CEP104: variants seen among roughly 807,000 people sequenced by gnomAD.
The protein encoded by CEP104 is centrosomal protein 104.
CEP104 carries 84 observed loss-of-function variants against 113.3 expected under a neutral mutation model. The observed-to-expected ratio is 0.74, with a 90% confidence interval of 0.62 to 0.89. CEP104 has a LOEUF of 0.89. Among genes scored for constraint, CEP104 ranks in the 40% least tolerant of loss-of-function variants. The pLI is 0.00. For synonymous variants in CEP104, 378 were observed against 421.7 expected (o/e 0.90, Z 1.27); for missense variants, 1,053 against 1,156.6 (o/e 0.91, Z 1.30).
chr1:3,830,041 CT>C (rs1644172201), intron 13 of CEP104, 44 bp from the exon 14 acceptor site: 3 of 1,388,822 alleles, frequency 2.2e-6, no homozygotes, highest in Non-Finnish European at 3.1e-6. Flanking sequence ...TAAAATAAAA[CT>C]AATTTCTTCC....
At chr1:3,847,418 C>G in intron 4 of CEP104, 57 bp downstream of exon 4, 1 of 1,474,616 alleles carries the variant, frequency 6.8e-7, no homozygotes, top group South Asian at 1.3e-5. Context: ...TACGTGACCA[C>G]ATAATCCCAC....
intron 2 of CEP104, among the ~76,000 whole-genome samples, chr1:3,849,215 A>C (rs1644565989): frequency 6.6e-6 from 1 of 151,792 alleles, no homozygotes; most frequent in Admixed American, 6.6e-5. Flanking sequence ...CTAGGGAGAC[A>C]AGCCTATGCT....
chr1:3,851,180 C>T (rs1421629494), intron 2 of CEP104, among the ~76,000 whole-genome samples: 6 of 152,184 alleles, frequency 3.9e-5, no homozygotes, highest in South Asian at 4.2e-4. Context: ...CCCAGCTCTG[C>T]GGGTGACAAA....
At position 3,813,712 on chromosome 1, in the gene CEP104, T is replaced by C. The variant is rs1307577655; in HGVS notation, c.*1690A>G. The C allele has an allele frequency of 6.6e-6, 1 of 151,782 alleles. No individual in the cohort carries two copies. Among genetic ancestry groups the C allele is most frequent in the East Asian group, 2.0e-4 (1 of 5,066 alleles). The allele number at this position is 151,782 out of a possible 1,614,324, so 9.4% of individuals were successfully genotyped here. ...AAAAATAGAAAAAATTAGCCGAGCA[T>C]GGTGGTGTGCACCTGTAATCCCAGC... On this transcript the variant is annotated 3_prime_UTR_variant, in exon 22 of 22. Transcript: ENST00000378230.
At chr1:3,817,601 G>A (rs529529178) in intron 20 of CEP104, among the ~76,000 whole-genome samples, 1 of 152,264 alleles carries the variant, frequency 6.6e-6, no homozygotes, top group South Asian at 2.1e-4. Context: ...CAACCTTCGT[G>A]TCCCTAAAGC....
chr1:3,838,085 T>G lies in CEP104; in HGVS notation c.892-566A>C, dbSNP rs556560575. Among the ~76,000 whole-genome samples, 20 of 152,328 alleles carry G rather than the reference T, an allele frequency of 1.3e-4. No homozygotes were observed. The East Asian group carries it at 2.7e-3, about 21-fold the overall frequency. On this transcript the variant is annotated intron_variant, in intron 8 of 21. Coordinates refer to ENST00000378230, the MANE Select transcript of CEP104 (RefSeq NM_014704.4). The stretch of plus-strand genomic sequence containing the variant: ...AACTGAGGCATAAAGCTGATAAGAA[T>G]TAGTCTGTGATCACAGAGCTGGAAT...
chr1:3,851,648 C>T (rs933598474), intron 2 of CEP104, among the ~76,000 whole-genome samples: 2 of 152,126 alleles, frequency 1.3e-5, no homozygotes, highest in African/African-American at 4.8e-5. Context: ...AAGCAAAACA[C>T]TCATCTAATG....
rs1365127873 is a variant in CEP104 at position 3,823,042 on chromosome 1, T to C, written c.2571+132A>G. On this transcript the variant is annotated intron_variant, in intron 20 of 21. Transcript: ENST00000378230. This position sits in a 1 kb window ranked among gnomAD's most constrained non-coding sequence, Gnocchi z 4.1. Reference sequence around the variant, plus strand: ...TGCTCAGACAGGGCTCACTAGACGCTGTCCCCTCCCTGAACACTCATGTAC... The same window carrying C: ...TGCTCAGACAGGGCTCACTAGACGCCGTCCCCTCCCTGAACACTCATGTAC... 3.8e-6 allele frequency: 3 copies of C among 785,554 alleles called. No homozygotes were observed. Among genetic ancestry groups the C allele is most frequent in the Non-Finnish European group, 6.4e-6 (3 of 467,322 alleles). 48.7% of individuals were successfully genotyped at this position (785,554 alleles called of 1,614,324 possible).
chr1:3,828,691 CT>C (rs1389368703), intron 15 of CEP104, among the ~76,000 whole-genome samples: 1 of 151,926 alleles, frequency 6.6e-6, no homozygotes, highest in African/African-American at 2.4e-5. Context: ...ACCTTTATAT[CT>C]TTTTTTTAAG....
chr1:3,837,607 G>C (rs1316353598), intron 8 of CEP104, 88 bp from the exon 9 acceptor site: 2 of 1,177,368 alleles, frequency 1.7e-6, no homozygotes, highest in African/African-American at 3.1e-5. Context: ...TAAGACTTTA[G>C]AAAGCTGTGC....
Position 3,825,743 on chromosome 1 carries a change from T to C in CEP104, c.2364+15A>G, listed in dbSNP as rs2124647552. 6.4e-7 allele frequency: 1 copy of C among 1,559,872 alleles called. No individual in the cohort carries two copies. Among genetic ancestry groups the C allele is most frequent in the South Asian group, 1.1e-5 (1 of 89,928 alleles). On this transcript the variant is annotated intron_variant, in intron 18 of 21. Coordinates refer to ENST00000378230, the MANE Select transcript of CEP104 (RefSeq NM_014704.4). ...CGCTCATGCAAGTAGCTGGCTGCTG[T>C]GCCGCTGGCCTGACCTGTTTGCAGT...
chr1:3,822,622 T>G (rs149718433), intron 20 of CEP104, among the ~76,000 whole-genome samples: 1 of 152,070 alleles, frequency 6.6e-6, no homozygotes, highest in South Asian at 2.1e-4. Context: ...TGCACGCCCA[T>G]GTCCCTCCTC....
intron 6 of CEP104, 93 bp from the exon 7 acceptor site, chr1:3,839,869 C>G: frequency 1.0e-6 from 1 of 994,140 alleles, no homozygotes; most frequent in Non-Finnish European, 1.5e-6. Context: ...CCTCCCCATC[C>G]TGCCCCATCA....
At position 3,839,105 on chromosome 1, in the gene CEP104, A is replaced by G. The variant is rs550259906; in HGVS notation, c.750T>C (p.Leu250=). The G allele has an allele frequency of 2.5e-6, 4 of 1,613,694 alleles. No individual in the cohort carries two copies. The East Asian group carries it at 6.7e-5, about 27-fold the overall frequency. The change falls in exon 8 of 22, where the codon CTT becomes CTC. Residue 250 remains leucine, a synonymous_variant. Coordinates refer to ENST00000378230, the MANE Select transcript of CEP104 (RefSeq NM_014704.4). ...AGCGTTTCTCTACCTCATACCTCCC[A>G]AGGCGTTCACCAACCTGAAGCACAA... is the stretch of plus-strand genomic sequence containing the variant. The part of the protein sequence containing the change: ...IADLQKVGER[L]GRYEVEKRCA...
intron 14 of CEP104, 108 bp downstream of exon 14, chr1:3,829,683 C>A: frequency 8.4e-7 from 1 of 1,187,026 alleles, no homozygotes; most frequent in Non-Finnish European, 1.2e-6. Context: ...CCGGGGCTTC[C>A]CATACATGTG....
At position 3,834,026 on chromosome 1, in the gene CEP104, C is replaced by T. The variant is rs529372707; in HGVS notation, c.1495G>A (p.Ala499Thr). ...ATCATTTTCAACAATTTCAAAGAAG[C>T]CTGAAAAACCTAAGAGAAAAGTGAT... Reference protein sequence around the residue: ...IKDIVTSVFQASLKLLKMIIT... With the variant: ...IKDIVTSVFQTSLKLLKMIIT... The change falls in exon 12 of 22, where the codon GCT (alanine) becomes ACT (threonine). Residue 499 changes from alanine (A) to threonine (T), a missense_variant. Ala to Thr is a moderately conservative substitution (Grantham distance 58). Coordinates refer to ENST00000378230, the MANE Select transcript of CEP104 (RefSeq NM_014704.4). 100 of 1,612,666 alleles carry T rather than the reference C, an allele frequency of 6.2e-5. No individual in the cohort carries two copies. The South Asian group carries it at 1.0e-3, about 17-fold the overall frequency.
chr1:3,820,632 C>G (rs1242251204), intron 20 of CEP104, among the ~76,000 whole-genome samples: 2 of 152,060 alleles, frequency 1.3e-5, no homozygotes, highest in East Asian at 3.9e-4. Context: ...CTTTAAAGTC[C>G]CCTAGAAATG....
chr1:3,814,289 C>T lies in CEP104; in HGVS notation c.*1113G>A, dbSNP rs536629259. 48 of 152,382 alleles carry T rather than the reference C, an allele frequency of 3.1e-4. No individual in the cohort carries two copies. The highest frequency in any genetic ancestry group is 3.1e-3 in the Admixed American group (47 of 15,302). The allele number at this position is 152,382 out of a possible 1,614,324, so 9.4% of individuals were successfully genotyped here. ...GGATGCTTCCAGACAGACCCTGACT[C>T]CCTCCACATGGCTGCCTGGATGTGA... On this transcript the variant is annotated 3_prime_UTR_variant, in exon 22 of 22. Transcript: ENST00000378230.
intron 6 of CEP104, among the ~76,000 whole-genome samples, chr1:3,844,246 A>C (rs972574414): frequency 6.6e-6 from 1 of 152,184 alleles, no homozygotes; most frequent in African/African-American, 2.4e-5. Context: ...CTTTGTTCTA[A>C]ACGCATTTTA....
Sources: gnomAD v4.1 joint callset for allele counts (sites outside exome capture counted in the v4.1 genomes callset) on GRCh38, gnomAD v4.1.1 for gene constraint, Gnocchi (gnomAD v3.1) non-coding constraint, MANE v1.5 for transcripts, NCBI Gene and HGNC (gene_info 2026-07-23, HGNC 2026-07-21) for gene names.